Variants in AGBL4 observed in about 807,000 individuals in gnomAD.
AGBL4 encodes the protein AGBL carboxypeptidase 4, also known as cytosolic carboxypeptidase 6.
Under a neutral mutation model 66.4 loss-of-function variants are expected in AGBL4, and 58 were observed. The ratio of observed to expected loss-of-function variants is 0.87; its 90% CI spans 0.71 to 1.09. The LOEUF is 1.09. Among genes scored for constraint, AGBL4 ranks in the 50% least tolerant of loss-of-function variants. The pLI, the probability that AGBL4 is intolerant of heterozygous loss-of-function variation, is 0.00. For synonymous variants in AGBL4, 234 were observed against 222.9 expected (o/e 1.05, Z -0.44); for missense variants, 579 against 631.0 (o/e 0.92, Z 0.88).
At chr1:49,406,848 G>A (rs1037560397) in intron 3 of AGBL4, among the ~76,000 whole-genome samples, 3 of 151,786 alleles carry the variant, frequency 2.0e-5, no homozygotes, top group Middle Eastern at 3.2e-3. Context: ...GGCGGATCAC[G>A]AGGTCAGGAA....
intron 3 of AGBL4, among the ~76,000 whole-genome samples, chr1:49,322,721 C>G (rs147052821): frequency 6.6e-6 from 1 of 152,318 alleles, no homozygotes; most frequent in Non-Finnish European, 1.5e-5. Context: ...TTACAGCTTC[C>G]AGAACAAGTG....
chr1:48,615,496 T>C (rs981837124), intron 9 of AGBL4, among the ~76,000 whole-genome samples: 1 of 152,184 alleles, frequency 6.6e-6, no homozygotes, highest in Admixed American at 6.5e-5. Context: ...GATCTCAGTA[T>C]AAAAAGTTCT....
intron 1 of AGBL4, among the ~76,000 whole-genome samples, chr1:50,003,014 G>A (rs765869994): frequency 2.4e-4 from 36 of 152,262 alleles, no homozygotes; most frequent in Non-Finnish European, 3.1e-4. Flanking sequence ...GGAAGCTAAC[G>A]TGGAGGAAAA....
intron 11 of AGBL4, among the ~76,000 whole-genome samples, chr1:48,569,808 G>A (rs1322201315): frequency 1.3e-5 from 2 of 152,070 alleles, no homozygotes; most frequent in Admixed American, 6.5e-5. Context: ...GCAACCCTCC[G>A]CCATCACCAA....
At chr1:49,733,831 AAAACT>A (rs1483998400) in intron 2 of AGBL4, among the ~76,000 whole-genome samples, 1 of 152,220 alleles carries the variant, frequency 6.6e-6, no homozygotes, top group East Asian at 1.9e-4. Context: ...GCCCCACAAG[AAAACT>A]AATAACTAAT....
intron 4 of AGBL4, among the ~76,000 whole-genome samples, chr1:49,068,028 A>G (rs1301941274): frequency 6.6e-6 from 1 of 151,866 alleles, no homozygotes; most frequent in African/African-American, 2.4e-5. Context: ...GGAGGCACTC[A>G]GTACCTACAC....
intron 2 of AGBL4, among the ~76,000 whole-genome samples, chr1:49,818,022 T>C (rs1385832352): frequency 6.6e-6 from 1 of 152,064 alleles, no homozygotes; most frequent in African/African-American, 2.4e-5. Flanking sequence ...TAGAAAAAAA[T>C]CAATCTTTCT....
intron 3 of AGBL4, among the ~76,000 whole-genome samples, chr1:49,681,061 G>A (rs1431364658): frequency 6.6e-6 from 1 of 151,896 alleles, no homozygotes; most frequent in African/African-American, 2.4e-5. Flanking sequence ...AAATTTCCAC[G>A]TGGTTGTTCT....
chr1:49,328,535 T>C (rs1161062296), intron 3 of AGBL4, among the ~76,000 whole-genome samples: 1 of 152,240 alleles, frequency 6.6e-6, no homozygotes, highest in African/African-American at 2.4e-5. Flanking sequence ...TTTATTTTCA[T>C]GACTGTGATG....
chr1:48,971,590 T>C (rs1380288981), intron 5 of AGBL4, among the ~76,000 whole-genome samples: 1 of 152,162 alleles, frequency 6.6e-6, no homozygotes, highest in African/African-American at 2.4e-5. Context: ...ATATGAAGTA[T>C]TTATAGAAAG....
At chr1:49,479,076 G>C (rs1485760420) in intron 3 of AGBL4, among the ~76,000 whole-genome samples, 1 of 151,492 alleles carries the variant, frequency 6.6e-6, no homozygotes, top group Non-Finnish European at 1.5e-5. Context: ...AAGGAAAAAA[G>C]AGAAGACCTC....
intron 9 of AGBL4, among the ~76,000 whole-genome samples, chr1:48,626,723 C>G (rs1475984280): frequency 6.6e-6 from 1 of 152,184 alleles, no homozygotes; most frequent in Admixed American, 6.5e-5. Flanking sequence ...ATTCCCAACC[C>G]CATTTACTGC....
At chr1:49,705,335 G>C (rs1228215236) in intron 2 of AGBL4, among the ~76,000 whole-genome samples, 1 of 152,012 alleles carries the variant, frequency 6.6e-6, no homozygotes, top group African/African-American at 2.4e-5. Context: ...GAGATGAGGG[G>C]ATTTTCTAAA....
chr1:48,663,523 C>T (rs888133010), intron 6 of AGBL4, among the ~76,000 whole-genome samples: 11 of 151,978 alleles, frequency 7.2e-5, no homozygotes, highest in African/African-American at 2.7e-4. Context: ...AATTTGAATC[C>T]CAAATCCACT....
chr1:49,760,579 T>G (rs536177444), intron 2 of AGBL4, among the ~76,000 whole-genome samples: 1 of 152,290 alleles, frequency 6.6e-6, no homozygotes, highest in African/African-American at 2.4e-5. Context: ...GGTGGAAATG[T>G]AAATTAGTTC....
chr1:49,542,320 T>G (rs551143773), intron 3 of AGBL4, among the ~76,000 whole-genome samples: 1 of 152,288 alleles, frequency 6.6e-6, no homozygotes, highest in South Asian at 2.1e-4. Flanking sequence ...TGCTCACTTT[T>G]TGGGTCTGCA....
chr1:49,840,996 T>TAGCCAAAGCAGTC (rs1645976762), intron 2 of AGBL4, among the ~76,000 whole-genome samples: 1 of 152,190 alleles, frequency 6.6e-6, no homozygotes, highest in African/African-American at 2.4e-5. Context: ...CTAGAAGTCC[T>TAGCCAAAGCAGTC]AGCCAAAGCA....
At chr1:49,700,319 ATAGATAG>A (rs879386417) in intron 2 of AGBL4, among the ~76,000 whole-genome samples, 13 of 151,722 alleles carry the variant, frequency 8.6e-5, no homozygotes, top group Non-Finnish European at 1.5e-4. Flanking sequence ...AGATAGATAG[ATAGATAG>A]ATAGATAGAT....
chr1:49,521,910 GA>G (rs34639175), intron 3 of AGBL4, among the ~76,000 whole-genome samples: 79,986 of 151,614 alleles, frequency 0.53, 22,541 homozygotes, highest in Non-Finnish European at 0.63. Flanking sequence ...GAAACTATTA[GA>G]GGGGGGAATG....
Sources: allele counts gnomAD v4.1 joint callset (sites outside exome capture counted in the v4.1 genomes callset), GRCh38; gene constraint gnomAD v4.1.1; transcripts MANE v1.5; gene names NCBI Gene and HGNC (gene_info 2026-07-23, HGNC 2026-07-21).